The following VAV3 variants were observed in gnomAD, a reference collection of about 807,000 sequenced individuals.
VAV3 encodes the protein vav guanine nucleotide exchange factor 3.
A neutral mutation model predicts 131.2 loss-of-function variants in VAV3; 94 were observed. The observed-to-expected ratio is 0.72, with a 90% CI of 0.61 to 0.85. The LOEUF (loss-of-function observed/expected upper bound fraction) is 0.85. Among genes scored for constraint, VAV3 ranks in the 40% least tolerant of loss-of-function variants. VAV3 has a pLI of 0.00. For missense variants in VAV3, 939 were observed against 1,002.7 expected (o/e 0.94, Z 0.86); for synonymous variants, 349 against 342.0 (o/e 1.02, Z -0.22).
At chr1:107,803,731 G>A (rs1666932254) in intron 2 of VAV3, among the ~76,000 whole-genome samples, 1 of 152,018 alleles carries the variant, frequency 6.6e-6, no homozygotes, top group African/African-American at 2.4e-5. Flanking sequence ...ACAACAGCTG[G>A]GTGACACATT....
intron 22 of VAV3, among the ~76,000 whole-genome samples, chr1:107,608,683 C>T (rs998433863): frequency 2.0e-5 from 3 of 152,118 alleles, no homozygotes; most frequent in South Asian, 4.2e-4. Context: ...GAGGAGGGCC[C>T]GAGGAGAGTC....
At chr1:107,945,563 C>T (rs116269526) in intron 1 of VAV3, among the ~76,000 whole-genome samples, 3,669 of 152,132 alleles carry the variant, frequency 0.024, 71 homozygotes, top group South Asian at 0.11. Flanking sequence ...GTGGCTCATG[C>T]CTGTAATTCC....
At chr1:107,797,582 C>T (rs1196529292) in intron 2 of VAV3, among the ~76,000 whole-genome samples, 2 of 152,054 alleles carry the variant, frequency 1.3e-5, no homozygotes, top group Admixed American at 1.3e-4. Context: ...GTGAGTTATG[C>T]TAGAATAAAA....
intron 6 of VAV3, among the ~76,000 whole-genome samples, chr1:107,769,380 T>G (rs1471492790): frequency 1.3e-5 from 2 of 152,230 alleles, no homozygotes; most frequent in Non-Finnish European, 2.9e-5. Context: ...AAAACTCAAC[T>G]GGGCCTGTAA....
chr1:107,908,870 CACACAAT>C (rs1672237554), intron 1 of VAV3, among the ~76,000 whole-genome samples: 2 of 113,268 alleles, frequency 1.8e-5, no homozygotes, highest in African/African-American at 7.1e-5. Flanking sequence ...CACACACACA[CACACAAT>C]ATAAAACATA....
At chr1:107,721,703 C>T (rs1262528087) in intron 15 of VAV3, among the ~76,000 whole-genome samples, 1 of 151,908 alleles carries the variant, frequency 6.6e-6, no homozygotes, top group Non-Finnish European at 1.5e-5. Flanking sequence ...AAGGGAAAAC[C>T]TGAAGCTTCT....
intron 1 of VAV3, among the ~76,000 whole-genome samples, chr1:107,875,584 T>A (rs556331873): frequency 1.3e-5 from 2 of 151,870 alleles, no homozygotes; most frequent in East Asian, 3.9e-4. Context: ...GAGTGAGTAA[T>A]GGGGGGAAAA....
At chr1:107,648,363 T>G (rs1223932598) in intron 19 of VAV3, among the ~76,000 whole-genome samples, 1 of 152,010 alleles carries the variant, frequency 6.6e-6, no homozygotes, top group Admixed American at 6.6e-5. Context: ...TCACCTTTAT[T>G]AAAAAGGTGT....
chr1:107,613,248 T>C (rs181256204), intron 21 of VAV3, among the ~76,000 whole-genome samples: 1 of 152,302 alleles, frequency 6.6e-6, no homozygotes, highest in African/African-American at 2.4e-5. Context: ...TATATGCTTC[T>C]TGACTCTGAA....
intron 21 of VAV3, among the ~76,000 whole-genome samples, chr1:107,612,374 T>A (rs1652819964): frequency 6.6e-6 from 1 of 152,016 alleles, no homozygotes; most frequent in African/African-American, 2.4e-5. Context: ...TTTAACATAT[T>A]CTTATTGTTT....
chr1:107,729,145 C>T (rs919337122), intron 15 of VAV3, among the ~76,000 whole-genome samples: 3 of 152,002 alleles, frequency 2.0e-5, no homozygotes, highest in African/African-American at 4.8e-5. Context: ...AACACTATTT[C>T]GAAGCTATCT....
intron 1 of VAV3, among the ~76,000 whole-genome samples, chr1:107,921,854 GGTATTAAAA>G (rs770498322): frequency 1.3e-5 from 2 of 152,062 alleles, no homozygotes; most frequent in African/African-American, 2.4e-5. Flanking sequence ...CAGGAAAAAA[GGTATTAAAA>G]GTATGAGAAA....
intron 2 of VAV3, among the ~76,000 whole-genome samples, chr1:107,860,935 T>C (rs953977587): frequency 4.0e-5 from 6 of 151,792 alleles, no homozygotes; most frequent in South Asian, 4.2e-4. Flanking sequence ...ATTTGAACGA[T>C]TGTCCTACAG....
At chr1:107,614,109 G>A (rs1652957752) in intron 21 of VAV3, among the ~76,000 whole-genome samples, 1 of 151,922 alleles carries the variant, frequency 6.6e-6, no homozygotes, top group Admixed American at 6.6e-5. Flanking sequence ...AGTGGGATGG[G>A]TTTTCTCCTA....
chr1:107,952,468 T>TTTATATATATATATATATA lies in VAV3; in HGVS notation c.204+12197_204+12198insTATATATATATATATATAA, dbSNP rs1553235441. The stretch of plus-strand genomic sequence containing the variant: ...TGTGCCCCGAACTTATAACAAAACT[T>TTTATATATATATATATATA]TATATATATATATATATACACACAT... On this transcript the variant is annotated intron_variant, in intron 1 of 26. Transcript: ENST00000370056. 7.9e-4 allele frequency among the ~76,000 whole-genome samples: 94 copies of TTTATATATATATATATATA among 118,968 alleles called. 1 individual carries two copies. Among genetic ancestry groups the TTTATATATATATATATATA allele is most frequent in the African/African-American group, 3.2e-3 (89 of 28,200 alleles). The allele number at this position is 118,968 out of a possible 152,430, so 78.0% of individuals were successfully genotyped here. A position where few individuals can be genotyped will look rare whatever the true frequency, so the allele number is the denominator to read the frequency against.
At chr1:107,650,703 TCC>T (rs1264406780) in intron 19 of VAV3, among the ~76,000 whole-genome samples, 2 of 91,008 alleles carry the variant, frequency 2.2e-5, no homozygotes, top group Middle Eastern at 0.01. Flanking sequence ...ATGCTATCCC[TCC>T]CCCCCCTCCC....
intron 17 of VAV3, among the ~76,000 whole-genome samples, chr1:107,695,176 A>G (rs140967909): frequency 6.6e-6 from 1 of 152,244 alleles, no homozygotes; most frequent in African/African-American, 2.4e-5. Context: ...GGAAGTGGTA[A>G]AAAATGAGCT....
At position 107,622,935 on chromosome 1, in the gene VAV3, T is replaced by A. The variant is rs144287526; in HGVS notation, c.1915-5303A>T. Among the ~76,000 whole-genome samples, 147 of 152,284 alleles carry A rather than the reference T, an allele frequency of 9.7e-4. 1 individual carries two copies. Among genetic ancestry groups the A allele is most frequent in the African/African-American group, 3.4e-3 (143 of 41,566 alleles). On this transcript the variant is annotated intron_variant, in intron 20 of 26. Transcript: ENST00000370056. ...AGGATGGATGGAAAGATGAACACAC[T>A]GTTTTTGGCATTATTCTGATGAAGT...
At chr1:107,577,400 G>C (rs1649735240) in intron 25 of VAV3, among the ~76,000 whole-genome samples, 1 of 152,178 alleles carries the variant, frequency 6.6e-6, no homozygotes, top group South Asian at 2.1e-4. Flanking sequence ...GGAAAAGGAA[G>C]GTGTGGTTGT....
Sources: allele counts gnomAD v4.1 joint callset (sites outside exome capture counted in the v4.1 genomes callset), GRCh38; gene constraint gnomAD v4.1.1; transcripts MANE v1.5; gene names NCBI Gene and HGNC (gene_info 2026-07-23, HGNC 2026-07-21).